The following TNIP3 variants were observed in gnomAD, a reference collection of about 807,000 sequenced individuals.
The protein encoded by TNIP3 is TNFAIP3 interacting protein 3.
A neutral mutation model predicts 54.1 loss-of-function variants in TNIP3; 34 were observed. That is an observed-to-expected ratio of 0.63 (90% CI 0.48 to 0.84). TNIP3 has a LOEUF of 0.84. Among genes scored for constraint, TNIP3 ranks in the 40% least tolerant of loss-of-function variants. The pLI is 0.00. For synonymous variants in TNIP3, 134 were observed against 136.8 expected (o/e 0.98, Z 0.14); for missense variants, 366 against 387.6 (o/e 0.94, Z 0.47).
At chr4:121,198,161 TA>T (rs1000308465) in intron 2 of TNIP3, among the ~76,000 whole-genome samples, 1 of 151,888 alleles carries the variant, frequency 6.6e-6, no homozygotes, top group African/African-American at 2.4e-5. Flanking sequence ...TTTTTTTTTT[TA>T]GAAATTACTT....
chr4:121,155,807 G>A (rs1730049526), intron 4 of TNIP3, among the ~76,000 whole-genome samples: 1 of 152,150 alleles, frequency 6.6e-6, no homozygotes, highest in African/African-American at 2.4e-5. Context: ...GTTAAAGTGT[G>A]TTATTTGAGT....
rs1729475244 is a variant in TNIP3 at position 121,147,076 on chromosome 4, T to C, written c.708A>G (p.Gln236=). The C allele has an allele frequency of 3.7e-6, 6 of 1,613,064 alleles. No homozygotes were observed. The highest frequency in any genetic ancestry group is 1.3e-5 in the African/African-American group (1 of 74,866). ...GGGAATTCAGCCTGTTCAACTGGGA[T>C]TGGGAAGTTTCATTAATTTGCTGTA... is the stretch of plus-strand genomic sequence containing the variant. The part of the protein sequence containing the change: ...EELQQINETS[Q]SQLNRLNSQI... The change falls in exon 7 of 11, where the codon CAA becomes CAG. Residue 236 remains glutamine (Q), a synonymous_variant. Coordinates refer to ENST00000057513, the MANE Select transcript of TNIP3 (RefSeq NM_024873.6).
intron 3 of TNIP3, among the ~76,000 whole-genome samples, chr4:121,180,136 C>T (rs930696942): frequency 6.6e-6 from 1 of 152,128 alleles, no homozygotes; most frequent in African/African-American, 2.4e-5. Context: ...CGCGGTGGCT[C>T]ACGCCTGTAA....
At chr4:121,176,382 G>GA (rs1724340188) in intron 3 of TNIP3, among the ~76,000 whole-genome samples, 8 of 151,750 alleles carry the variant, frequency 5.3e-5, no homozygotes, top group African/African-American at 1.9e-4. Flanking sequence ...TTTTCTAGCA[G>GA]AAAAAAATAG....
chr4:121,135,588 A>G (rs1196836302), intron 10 of TNIP3, among the ~76,000 whole-genome samples: 1 of 152,012 alleles, frequency 6.6e-6, no homozygotes, highest in Non-Finnish European at 1.5e-5. Flanking sequence ...TTGTAGAGAC[A>G]GGGTTTCACC....
At chr4:121,144,242 G>A (rs1227304663) in intron 7 of TNIP3, among the ~76,000 whole-genome samples, 1 of 152,110 alleles carries the variant, frequency 6.6e-6, no homozygotes, top group Non-Finnish European at 1.5e-5. Flanking sequence ...CAAAAAGAAA[G>A]CATCAAAATT....
intron 8 of TNIP3, 78 bp from the exon 9 acceptor site, chr4:121,141,992 G>C: frequency 1.0e-6 from 1 of 967,052 alleles, no homozygotes; most frequent in Non-Finnish European, 1.5e-6. Flanking sequence ...TATACAAAAG[G>C]TTTGGTTTCA....
intron 5 of TNIP3, among the ~76,000 whole-genome samples, chr4:121,150,974 A>G (rs1443376924): frequency 2.0e-5 from 3 of 152,216 alleles, no homozygotes; most frequent in Non-Finnish European, 4.4e-5. Flanking sequence ...AAGAAGTAAT[A>G]CCTGTATTCA....
intron 3 of TNIP3, among the ~76,000 whole-genome samples, chr4:121,178,266 G>C (rs929075699): frequency 6.6e-6 from 1 of 152,166 alleles, no homozygotes; most frequent in Non-Finnish European, 1.5e-5. Flanking sequence ...CTGTAGAGGG[G>C]TAAAGATGAA....
rs150599754 is a variant in TNIP3 at position 121,177,932 on chromosome 4, G to A, written c.189+4744C>T. Among the ~76,000 whole-genome samples the A allele has an allele frequency of 4.5e-4, 69 of 152,256 alleles. 1 individual carries two copies. In the East Asian group the frequency reaches 0.012, roughly 26 times the overall value. ...GAGGAGGATATGCCAGTGGTCTATT[G>A]GGATAAAGAATGGAGACTCCTGGGG... On this transcript the variant is annotated intron_variant, in intron 3 of 12. Coordinates refer to the TNIP3 transcript ENST00000507879.
chr4:121,161,033 C>T, intron 2 of TNIP3, 103 bp downstream of exon 2: 1 of 914,304 alleles, frequency 1.1e-6, no homozygotes, highest in Non-Finnish European at 1.7e-6. Context: ...AAGATAAATA[C>T]TGTGACCTGA....
intron 2 of TNIP3, among the ~76,000 whole-genome samples, chr4:121,202,546 A>G (rs1725950811): frequency 6.6e-6 from 1 of 152,124 alleles, no homozygotes; most frequent in Non-Finnish European, 1.5e-5. Flanking sequence ...ATAACCAAGA[A>G]CCCAAAACCA....
chr4:121,138,029 A>C (rs1039528299), intron 10 of TNIP3: 6 of 450,682 alleles, frequency 1.3e-5, no homozygotes, highest in Admixed American at 7.3e-5. Flanking sequence ...GAAAGAAAAC[A>C]GAAAATGTTA....
At chr4:121,188,475 G>A (rs1247398032) in intron 2 of TNIP3, among the ~76,000 whole-genome samples, 3 of 152,034 alleles carry the variant, frequency 2.0e-5, no homozygotes. Flanking sequence ...TTTGTTACTT[G>A]TTCAAAGGTC....
chr4:121,210,282 T>C (rs958893736), intron 2 of TNIP3, among the ~76,000 whole-genome samples: 1 of 152,182 alleles, frequency 6.6e-6, no homozygotes, highest in African/African-American at 2.4e-5. Flanking sequence ...AAGTCCTTGT[T>C]TTCTGGAACA....
upstream of TNIP3, among the ~76,000 whole-genome samples, chr4:121,218,010 A>G (rs1278694420): frequency 1.3e-5 from 2 of 152,200 alleles, no homozygotes. Flanking sequence ...CTAGGATTAA[A>G]CACCAAACCA....
At chr4:121,187,307 G>T (rs1453562623) in intron 2 of TNIP3, among the ~76,000 whole-genome samples, 1 of 152,176 alleles carries the variant, frequency 6.6e-6, no homozygotes, top group African/African-American at 2.4e-5. Context: ...TCTGTTCCAA[G>T]AATCTGCTCA....
intron 5 of TNIP3, among the ~76,000 whole-genome samples, chr4:121,150,477 T>A (rs9995558): frequency 0.035 from 5,359 of 152,246 alleles, 315 homozygotes; most frequent in African/African-American, 0.12. Context: ...TGGACCCTCC[T>A]CCTCCACCTA....
chr4:121,158,420 C>T lies in TNIP3; in HGVS notation c.213+267G>A, dbSNP rs564681275. ...TAAGGCTGGGATACTCTGTGAGCCA[C>T]GATAAATGTGCACAAGAACTCTTGA... is the stretch of plus-strand genomic sequence containing the variant. On this transcript the variant is annotated intron_variant, in intron 3 of 10. Transcript: ENST00000057513. Among the ~76,000 whole-genome samples, 18 of 152,318 alleles carry T rather than the reference C, an allele frequency of 1.2e-4. No homozygotes were observed. In the South Asian group the frequency reaches 1.9e-3, roughly 16 times the overall value.
Sources: gnomAD v4.1 joint callset for allele counts (sites outside exome capture counted in the v4.1 genomes callset) on GRCh38, gnomAD v4.1.1 for gene constraint, MANE v1.5 for transcripts, NCBI Gene and HGNC (gene_info 2026-07-23, HGNC 2026-07-21) for gene names.